MIS18A: variants seen among roughly 807,000 people sequenced by gnomAD.
The protein encoded by MIS18A is MIS18 kinetochore protein A, also known as protein Mis18-alpha.
MIS18A carries 14 observed loss-of-function variants against 25.0 expected under a neutral mutation model. The ratio of observed to expected loss-of-function variants is 0.56; its 90% CI spans 0.37 to 0.88. The LOEUF (loss-of-function observed/expected upper bound fraction) is 0.88. Among genes scored for constraint, MIS18A ranks in the 40% least tolerant of loss-of-function variants. The probability of loss-of-function intolerance (pLI) is 0.00; values close to 1 mark genes in which losing one functional copy is unlikely to be tolerated. For missense variants in MIS18A, 292 were observed against 290.8 expected (o/e 1.00, Z -0.03); for synonymous variants, 134 against 118.6 (o/e 1.13, Z -0.84).
At chr21:32,276,291 T>C (rs886266502) in intron 1 of MIS18A, among the ~76,000 whole-genome samples, 1 of 151,682 alleles carries the variant, frequency 6.6e-6, no homozygotes, top group Non-Finnish European at 1.5e-5. Flanking sequence ...AAACCCCGTC[T>C]CTACTAAAGA....
At chr21:32,234,751 G>C in the MIS18A span, among the ~76,000 whole-genome samples, 2 of 152,084 alleles carry the variant, frequency 1.3e-5, no homozygotes, top group Non-Finnish European at 2.9e-5. Context: ...GTGATTGGAA[G>C]CTTCCTGAGG....
the MIS18A span, among the ~76,000 whole-genome samples, chr21:32,198,114 C>T: frequency 6.6e-5 from 10 of 152,282 alleles, no homozygotes; most frequent in African/African-American, 2.4e-4. Flanking sequence ...CTTGAAGTTG[C>T]TTCTCAGATC....
At chr21:32,190,516 C>A in the MIS18A span, among the ~76,000 whole-genome samples, 6 of 152,324 alleles carry the variant, frequency 3.9e-5, no homozygotes, top group East Asian at 1.2e-3. Flanking sequence ...GGAGTTCATA[C>A]AAGCCTGTGG....
At chr21:32,237,764 C>T in the MIS18A span, among the ~76,000 whole-genome samples, 1 of 152,094 alleles carries the variant, frequency 6.6e-6, no homozygotes, top group African/African-American at 2.4e-5. Context: ...GAAAAATGAT[C>T]ATTTTAATTA....
At chr21:32,162,066 A>AT in the MIS18A span, among the ~76,000 whole-genome samples, 1 of 151,966 alleles carries the variant, frequency 6.6e-6, no homozygotes, top group Admixed American at 6.6e-5. Flanking sequence ...TTATTATCCT[A>AT]TTTTCCTGAA....
At chr21:32,251,710 A>G in the MIS18A span, among the ~76,000 whole-genome samples, 1 of 152,230 alleles carries the variant, frequency 6.6e-6, no homozygotes, top group Non-Finnish European at 1.5e-5. Flanking sequence ...TACAAACTTC[A>G]TATTTGAAGG....
the MIS18A span, among the ~76,000 whole-genome samples, chr21:32,255,058 TTTATAA>T: frequency 1.3e-5 from 2 of 152,198 alleles, no homozygotes; most frequent in Non-Finnish European, 2.9e-5. Flanking sequence ...AGCTGTCCTT[TTTATAA>T]TTATATGTAT....
chr21:32,278,640 G>T (rs926772829), intron 1 of MIS18A, 41 bp downstream of exon 1: 48 of 1,462,924 alleles, frequency 3.3e-5, no homozygotes, highest in Non-Finnish European at 4.3e-5. Flanking sequence ...CCTGGAAGAA[G>T]GCGACCCCAC....
intron 2 of MIS18A, among the ~76,000 whole-genome samples, 184 bp downstream of exon 2, chr21:32,274,646 C>T (rs535764531): frequency 1.3e-5 from 2 of 152,258 alleles, no homozygotes; most frequent in East Asian, 3.9e-4. Flanking sequence ...CAAGAACTAA[C>T]ATATTCCTTT....
At chr21:32,236,293 G>A in the MIS18A span, among the ~76,000 whole-genome samples, 1 of 152,002 alleles carries the variant, frequency 6.6e-6, no homozygotes, top group Non-Finnish European at 1.5e-5. Context: ...TGAGGCAGGA[G>A]AACGGCGTGA....
chr21:32,172,566 GT>G, the MIS18A span, among the ~76,000 whole-genome samples: 652 of 145,184 alleles, frequency 4.5e-3, 5 homozygotes, highest in African/African-American at 0.016. Context: ...TCCCAGATGC[GT>G]TTTTTTTCCT....
chr21:32,257,652 C>T, the MIS18A span, among the ~76,000 whole-genome samples: 7 of 152,222 alleles, frequency 4.6e-5, no homozygotes, highest in African/African-American at 1.2e-4. Context: ...AGGAAACCTA[C>T]GGAGCATCCT....
the MIS18A span, among the ~76,000 whole-genome samples, chr21:32,251,778 C>T: frequency 1.7e-4 from 26 of 152,254 alleles, no homozygotes; most frequent in Admixed American, 7.9e-4. Context: ...CTCTAATTAC[C>T]GAAGGTGGGA....
intron 1 of MIS18A, 180 bp downstream of exon 1, chr21:32,278,501 C>A (rs553897123): frequency 1.6e-6 from 1 of 643,514 alleles, no homozygotes; most frequent in Non-Finnish European, 2.5e-6. Context: ...CGCCCGAGAG[C>A]CAAAGTGGAG....
the MIS18A span, among the ~76,000 whole-genome samples, chr21:32,160,080 G>T: frequency 1.3e-5 from 2 of 152,186 alleles, no homozygotes; most frequent in South Asian, 4.1e-4. Flanking sequence ...GGTATGGCAA[G>T]GAAATACATT....
chr21:32,160,578 G>A, the MIS18A span, among the ~76,000 whole-genome samples: 2 of 151,746 alleles, frequency 1.3e-5, no homozygotes, highest in Non-Finnish European at 2.9e-5. Flanking sequence ...GGTTTGGTCC[G>A]GAAAGGTGGG....
chr21:32,184,841 ACAAC>A, the MIS18A span, among the ~76,000 whole-genome samples: 1 of 151,914 alleles, frequency 6.6e-6, no homozygotes, highest in Non-Finnish European at 1.5e-5. Context: ...CTTGTCCCTC[ACAAC>A]CAGCCACAGG....
At chr21:32,164,871 C>T in the MIS18A span, among the ~76,000 whole-genome samples, 1 of 152,110 alleles carries the variant, frequency 6.6e-6, no homozygotes, top group Admixed American at 6.6e-5. Context: ...TTAAAATTAG[C>T]TTCTGAATCA....
At chr21:32,216,946 A>G in the MIS18A span, among the ~76,000 whole-genome samples, 1 of 152,260 alleles carries the variant, frequency 6.6e-6, no homozygotes, top group Non-Finnish European at 1.5e-5. Context: ...TAATTAGTTC[A>G]GAAAAATCAC....
Sources: gnomAD v4.1 joint callset for allele counts (sites outside exome capture counted in the v4.1 genomes callset) on GRCh38, gnomAD v4.1.1 for gene constraint, MANE v1.5 for transcripts, NCBI Gene and HGNC (gene_info 2026-07-23, HGNC 2026-07-21) for gene names.